Variants in ANO4 observed in about 807,000 individuals in gnomAD.
The protein encoded by ANO4 is anoctamin-4.
A neutral mutation model predicts 141.9 loss-of-function variants in ANO4; 69 were observed. That is an observed-to-expected ratio of 0.49 (90% CI 0.40 to 0.59). The LOEUF (loss-of-function observed/expected upper bound fraction) is 0.59. ANO4 is among the 20% of genes least tolerant of loss of function. The pLI, the probability that ANO4 is intolerant of heterozygous loss-of-function variation, is 0.00. For missense variants in ANO4, 894 were observed against 1,162.2 expected (o/e 0.77, Z 3.36); for synonymous variants, 350 against 394.3 (o/e 0.89, Z 1.33).
At chr12:101,066,846 C>T (rs534227906) in intron 14 of ANO4, 61 of 1,375,204 alleles carry the variant, frequency 4.4e-5, no homozygotes, top group East Asian at 3.2e-4. Context: ...ATACCTGATG[C>T]GCTCAGTGAG....
At chr12:101,037,597 G>A (rs1344539533) in intron 10 of ANO4, among the ~76,000 whole-genome samples, 1 of 152,122 alleles carries the variant, frequency 6.6e-6, no homozygotes, top group Non-Finnish European at 1.5e-5. Flanking sequence ...TAATAATGTT[G>A]TACTCATCAT....
At chr12:100,776,210 A>C (rs1443560301) in intron 3 of ANO4, among the ~76,000 whole-genome samples, 1 of 152,198 alleles carries the variant, frequency 6.6e-6, no homozygotes, top group Admixed American at 6.5e-5. Flanking sequence ...CCAGGAGTCC[A>C]GGCCAGGCAG....
intron 1 of ANO4, among the ~76,000 whole-genome samples, chr12:100,846,765 T>C (rs2037583913): frequency 6.6e-6 from 1 of 152,202 alleles, no homozygotes; most frequent in Non-Finnish European, 1.5e-5. Flanking sequence ...ATACTGTCTA[T>C]GTTTTCCTTT....
chr12:100,960,747 T>TAGCG (rs1190965541), intron 5 of ANO4, among the ~76,000 whole-genome samples: 1 of 152,220 alleles, frequency 6.6e-6, no homozygotes, highest in African/African-American at 2.4e-5. Flanking sequence ...ACTAAGGGCA[T>TAGCG]AGCGATTCAT....
At chr12:100,838,122 G>C (rs1386351297) in intron 1 of ANO4, among the ~76,000 whole-genome samples, 1 of 151,494 alleles carries the variant, frequency 6.6e-6, no homozygotes, top group Non-Finnish European at 1.5e-5. Context: ...GGCTGGTGGT[G>C]GTGAAGGTGC....
intron 3 of ANO4, among the ~76,000 whole-genome samples, chr12:100,744,776 A>G (rs968112318): frequency 2.6e-5 from 4 of 152,070 alleles, no homozygotes; most frequent in African/African-American, 9.7e-5. Context: ...ATCCCTACTG[A>G]CATTATTTCT....
intron 1 of ANO4, among the ~76,000 whole-genome samples, chr12:100,854,363 G>A (rs1244988269): frequency 1.3e-5 from 2 of 151,974 alleles, no homozygotes; most frequent in Non-Finnish European, 2.9e-5. Context: ...TACTTGTTGT[G>A]TTAGCTGTGG....
At chr12:101,085,755 A>T (rs1420974016) in intron 16 of ANO4, among the ~76,000 whole-genome samples, 2 of 152,200 alleles carry the variant, frequency 1.3e-5, no homozygotes, top group African/African-American at 4.8e-5. Flanking sequence ...CAAGATATGT[A>T]CCTATCACGT....
At chr12:100,937,060 C>T (rs946939161) in intron 3 of ANO4, among the ~76,000 whole-genome samples, 3 of 152,132 alleles carry the variant, frequency 2.0e-5, no homozygotes, top group Non-Finnish European at 2.9e-5. Context: ...TTACTTGAAA[C>T]CATGGAATCC....
At chr12:101,010,179 T>G in intron 8 of ANO4, among the ~76,000 whole-genome samples, 1 of 152,204 alleles carries the variant, frequency 6.6e-6, no homozygotes, top group East Asian at 1.9e-4. Context: ...TACTGTTATT[T>G]AAACATACAC....
chr12:100,776,049 C>G (rs1303172779), intron 3 of ANO4, among the ~76,000 whole-genome samples: 5 of 152,110 alleles, frequency 3.3e-5, no homozygotes, highest in Admixed American at 1.3e-4. Context: ...TTACTATATG[C>G]CAAGCACTGT....
intron 14 of ANO4, among the ~76,000 whole-genome samples, chr12:101,076,065 A>C (rs616216): frequency 0.71 from 108,042 of 152,048 alleles, 39,511 homozygotes; most frequent in East Asian, 0.89. Context: ...TTCTCTTCCT[A>C]TTGAGTACTA....
At chr12:101,025,206 A>G (rs1566141972) in intron 9 of ANO4, among the ~76,000 whole-genome samples, 1 of 152,312 alleles carries the variant, frequency 6.6e-6, no homozygotes, top group East Asian at 1.9e-4. Context: ...TGAAACAACT[A>G]TTTTCAAGAC....
chr12:101,123,583 T>A (rs1045816403), intron 26 of ANO4, among the ~76,000 whole-genome samples: 1 of 152,106 alleles, frequency 6.6e-6, no homozygotes, highest in Non-Finnish European at 1.5e-5. Flanking sequence ...TGGTTTTCTG[T>A]TCCTTTGTCA....
At chr12:101,081,698 T>G (rs1710186) in intron 15 of ANO4, among the ~76,000 whole-genome samples, 28,735 of 152,156 alleles carry the variant, frequency 0.19, 3,436 homozygotes, top group East Asian at 0.54. Flanking sequence ...GAAACTTACA[T>G]GCTCACAGTT....
rs59483191 is a variant in ANO4, at chr12:101,011,318, C to CTTTTTTTTT, written c.735-8707_735-8699dup. 4.5e-5 allele frequency among the ~76,000 whole-genome samples: 5 copies of CTTTTTTTTT among 110,686 alleles called. 1 individual carries two copies. The highest frequency in any genetic ancestry group is 7.8e-5 in the Non-Finnish European group (4 of 51,388). The allele number at this position is 110,686 out of a possible 152,430, so 72.6% of individuals were successfully genotyped here. A position where few individuals can be genotyped will look rare whatever the true frequency, so the allele number is the denominator to read the frequency against. The stretch of plus-strand genomic sequence containing the variant: ...CATAGGAGGAATCATGGCCTTTTTT[C>CTTTTTTTTT]TTTTTTTTTTTTTTTTTGCAATCTA... On this transcript the variant is annotated intron_variant, in intron 8 of 27. Transcript: ENST00000392977.
intron 9 of ANO4, among the ~76,000 whole-genome samples, chr12:101,031,575 T>TCA (rs2046977321): frequency 6.6e-6 from 1 of 152,206 alleles, no homozygotes; most frequent in African/African-American, 2.4e-5. Flanking sequence ...TTGGAAGTTC[T>TCA]GGCCAGGACA....
chr12:101,107,011 A>G lies in ANO4; in HGVS notation c.2150-3393A>G, dbSNP rs2050475923. ...GTTTTAGGCCATAATATTTAACTAGATAATGAAACTCATTAGGTGTCAGAT... is the reference window on the plus strand; with the variant it reads ...GTTTTAGGCCATAATATTTAACTAGGTAATGAAACTCATTAGGTGTCAGAT... On this transcript the variant is annotated intron_variant, in intron 22 of 27. Transcript: ENST00000392977. 2.0e-5 allele frequency among the ~76,000 whole-genome samples: 3 copies of G among 152,180 alleles called. No individual in the cohort carries two copies. In the South Asian group the frequency reaches 6.2e-4, roughly 32 times the overall value.
At chr12:100,793,247 A>C (rs1048857494), upstream of ANO4, among the ~76,000 whole-genome samples, 1 of 152,244 alleles carries the variant, frequency 6.6e-6, no homozygotes, top group Non-Finnish European at 1.5e-5. Context: ...GCATTTGAGA[A>C]TCAAAGTCTC....
Sources: gnomAD v4.1 joint callset for allele counts (sites outside exome capture counted in the v4.1 genomes callset) on GRCh38, gnomAD v4.1.1 for gene constraint, MANE v1.5 for transcripts, NCBI Gene and HGNC (gene_info 2026-07-23, HGNC 2026-07-21) for gene names.